SLIT3: variants seen among roughly 807,000 people sequenced by gnomAD.
The protein encoded by SLIT3 is slit homolog 3 protein.
In SLIT3, 68 loss-of-function variants were observed where a neutral mutation model predicts 184.0. The observed-to-expected ratio is 0.37, with a 90% CI of 0.30 to 0.45. The LOEUF (loss-of-function observed/expected upper bound fraction) is 0.45. Ranked by LOEUF, SLIT3 falls within the 20% of genes least tolerant of loss-of-function variation. The probability of loss-of-function intolerance (pLI) is 1.00; values close to 1 mark genes in which losing one functional copy is unlikely to be tolerated. For synonymous variants in SLIT3, 831 were observed against 828.6 expected (o/e 1.00, Z -0.05); for missense variants, 1,707 against 2,026.0 (o/e 0.84, Z 3.02).
chr5:168,880,296 C>G (rs1759903124), intron 5 of SLIT3, among the ~76,000 whole-genome samples: 1 of 152,224 alleles, frequency 6.6e-6, no homozygotes, highest in Admixed American at 6.5e-5. Flanking sequence ...TCCACATTCT[C>G]AGTGCCTACA....
In SLIT3 at chr5:168,707,958, G is replaced by A. The variant is rs955718579; in HGVS notation, c.2844+18C>T. ...GAGCCTGAGGCATGAACACGGGGGG[G>A]CAGGGCCTCCAGCATACCTTGTAGC... On this transcript the variant is annotated intron_variant, in intron 26 of 35. Coordinates refer to ENST00000519560, the MANE Select transcript of SLIT3 (RefSeq NM_003062.4). 1 of 1,613,930 alleles carries A rather than the reference G, an allele frequency of 6.2e-7. No individual in the cohort carries two copies. Among genetic ancestry groups the A allele is most frequent in the South Asian group, 1.1e-5 (1 of 91,070 alleles).
intron 5 of SLIT3, among the ~76,000 whole-genome samples, chr5:168,870,969 A>G (rs1392015714): frequency 6.6e-6 from 1 of 152,220 alleles, no homozygotes; most frequent in African/African-American, 2.4e-5. Flanking sequence ...CATGGCTGCT[A>G]TAACGAATTA....
At chr5:168,678,775 G>C (rs1303283619) in intron 32 of SLIT3, among the ~76,000 whole-genome samples, 1 of 151,514 alleles carries the variant, frequency 6.6e-6, no homozygotes, top group Admixed American at 6.6e-5. Context: ...AAAAGTAGAG[G>C]AAAAAAAAGG....
chr5:169,121,274 A>G (rs967493613), intron 4 of SLIT3, among the ~76,000 whole-genome samples: 2 of 152,192 alleles, frequency 1.3e-5, no homozygotes, highest in Non-Finnish European at 2.9e-5. Flanking sequence ...TTCTGATGAG[A>G]GTCAAAACTG....
intron 11 of SLIT3, among the ~76,000 whole-genome samples, chr5:168,787,284 C>T (rs60929924): frequency 8.7e-4 from 132 of 152,316 alleles, no homozygotes; most frequent in African/African-American, 3.1e-3. Context: ...GCAGAAGCCA[C>T]GGGGCTTGGG....
chr5:169,186,862 CACCATGAT>C (rs70979125), intron 4 of SLIT3, among the ~76,000 whole-genome samples: 119,185 of 151,176 alleles, frequency 0.79, 47,286 homozygotes, highest in East Asian at 0.86. Flanking sequence ...GAATCTGCTC[CACCATGAT>C]ACCATGATAA....
Position 169,077,815 on chromosome 5 carries a change from G to A in SLIT3, c.413+115664C>T, listed in dbSNP as rs148260093. Among the ~76,000 whole-genome samples, 1,228 of 123,682 alleles carry A rather than the reference G, an allele frequency of 9.9e-3. 11 individuals are homozygous for A. Among genetic ancestry groups the A allele is most frequent in the Middle Eastern group, 0.02 (4 of 198 alleles). 81.1% of individuals were successfully genotyped at this position (123,682 alleles called of 152,430 possible). A position where few individuals can be genotyped will look rare whatever the true frequency, so the allele number is the denominator to read the frequency against. On this transcript the variant is annotated intron_variant, in intron 4 of 35. Transcript: ENST00000519560. ...TTTTCTACATTTTCCAAAATTTCCA[G>A]AATAAATGTCCACAACTTCTTCAAT...
chr5:169,052,577 G>A (rs548930298), intron 4 of SLIT3, among the ~76,000 whole-genome samples: 9 of 152,316 alleles, frequency 5.9e-5, no homozygotes, highest in African/African-American at 1.7e-4. Flanking sequence ...AAGAACAGGA[G>A]GGAAGGAGAA....
chr5:168,753,998 A>T lies in SLIT3; in HGVS notation c.1695T>A (p.Ser565Arg). Residue 565 changes from serine to arginine, a missense_variant, in exon 17 of 36, where the codon AGT (serine) becomes AGA (arginine). Ser to Arg is a moderately radical substitution (Grantham distance 110). This residue lies in a region of SLIT3 where 1,307 missense variants were observed against 1,511.6 expected (regional missense o/e 0.86). Coordinates refer to ENST00000519560, the MANE Select transcript of SLIT3 (RefSeq NM_003062.4). ...CTCGCACCTCCTTGATCTTATTGTT[A>T]CTCAGATTTCTAGAAGGAAGAAACA... Reference protein sequence around the residue: ...KLPNLRKINLSNNKIKEVREG... With the variant: ...KLPNLRKINLRNNKIKEVREG... 1 of 1,586,512 alleles carries T rather than the reference A, an allele frequency of 6.3e-7. No individual in the cohort carries two copies. The highest frequency in any genetic ancestry group is 8.5e-7 in the Non-Finnish European group (1 of 1,169,722).
chr5:168,862,025 G>A (rs1250022689), intron 5 of SLIT3, among the ~76,000 whole-genome samples: 3 of 152,158 alleles, frequency 2.0e-5, no homozygotes, highest in Non-Finnish European at 4.4e-5. Context: ...ACTGTCCTTA[G>A]AGAACAAAAC....
intron 4 of SLIT3, among the ~76,000 whole-genome samples, chr5:168,887,601 A>G (rs1423852769): frequency 1.3e-5 from 2 of 152,176 alleles, no homozygotes; most frequent in African/African-American, 2.4e-5. Context: ...AATCTGGTCA[A>G]CTGCATGACT....
chr5:169,101,209 C>T (rs1232109142), intron 4 of SLIT3, among the ~76,000 whole-genome samples: 1 of 152,172 alleles, frequency 6.6e-6, no homozygotes, highest in Non-Finnish European at 1.5e-5. Context: ...GGCAATAACA[C>T]TTTGGTTTTT....
At chr5:169,232,883 A>C (rs1239474601) in intron 3 of SLIT3, among the ~76,000 whole-genome samples, 1 of 152,182 alleles carries the variant, frequency 6.6e-6, no homozygotes, top group Non-Finnish European at 1.5e-5. Flanking sequence ...CATATTTGCA[A>C]TGTTAAGTAT....
At chr5:168,910,745 CA>C (rs11308973) in intron 4 of SLIT3, among the ~76,000 whole-genome samples, 53,470 of 111,782 alleles carry the variant, frequency 0.48, 10,015 homozygotes, top group East Asian at 0.64. Flanking sequence ...GACTCTGTCT[CA>C]AAAAAAAAAA....
chr5:168,685,923 G>C lies in SLIT3; in HGVS notation c.3319C>G (p.Pro1107Ala), dbSNP rs1194702109. The change falls in exon 31 of 36, where the codon CCC (proline) becomes GCC (alanine). Residue 1107 changes from proline (P) to alanine (A), a missense_variant. Transcript: ENST00000519560. Reference sequence around the variant, plus strand: ...ATGGGTGGGGGGTGTTCACAGAAGGGTCCACTGGAAGGCAGGAGAGAATGG... The same window carrying C: ...ATGGGTGGGGGGTGTTCACAGAAGGCTCCACTGGAAGGCAGGAGAGAATGG... ...TCTCPQGFSG[P>A]FCEHPPPMVL... 6 of 1,608,352 alleles carry C rather than the reference G, an allele frequency of 3.7e-6. No homozygotes were observed. Among genetic ancestry groups the C allele is most frequent in the Non-Finnish European group, 5.1e-6 (6 of 1,177,234 alleles).
chr5:169,265,484 C>T (rs919981418), intron 1 of SLIT3, among the ~76,000 whole-genome samples: 1 of 152,194 alleles, frequency 6.6e-6, no homozygotes, highest in African/African-American at 2.4e-5. Context: ...ATCCAATTCC[C>T]TCACTCAAGT....
At chr5:168,937,196 G>C (rs1250794920) in intron 4 of SLIT3, among the ~76,000 whole-genome samples, 1 of 152,124 alleles carries the variant, frequency 6.6e-6, no homozygotes, top group Non-Finnish European at 1.5e-5. Context: ...AGTGCACCCA[G>C]AGCACAGAGG....
At chr5:168,925,968 T>C (rs576062841) in intron 4 of SLIT3, among the ~76,000 whole-genome samples, 1 of 152,320 alleles carries the variant, frequency 6.6e-6, no homozygotes, top group Admixed American at 6.5e-5. Context: ...ACTGTTTGTT[T>C]CAGCATCTCA....
intron 4 of SLIT3, among the ~76,000 whole-genome samples, chr5:169,084,504 G>T (rs1400116235): frequency 6.9e-6 from 1 of 144,642 alleles, no homozygotes. Context: ...TAGAGACGGG[G>T]TTTCACCATG....
Sources: gnomAD v4.1 joint callset for allele counts (sites outside exome capture counted in the v4.1 genomes callset) on GRCh38, gnomAD v4.1.1 for gene constraint, gnomAD v4.1.1 regional missense constraint, MANE v1.5 for transcripts, NCBI Gene and HGNC (gene_info 2026-07-23, HGNC 2026-07-21) for gene names.